Variants in NECTIN3 observed in about 807,000 individuals in gnomAD.
NECTIN3 encodes the protein nectin-3.
A neutral mutation model predicts 49.4 loss-of-function variants in NECTIN3; 8 were observed. The ratio of observed to expected loss-of-function variants is 0.16; its 90% CI spans 0.10 to 0.29. NECTIN3 has a LOEUF of 0.29. Among genes scored for constraint, NECTIN3 ranks in the 10% least tolerant of loss-of-function variants. The pLI is 1.00. For synonymous variants in NECTIN3, 277 were observed against 241.1 expected (o/e 1.15, Z -1.38); for missense variants, 581 against 654.6 (o/e 0.89, Z 1.23).
At chr3:111,170,638 G>A (rs1169257277) in intron 7 of NECTIN3, among the ~76,000 whole-genome samples, 1 of 152,148 alleles carries the variant, frequency 6.6e-6, no homozygotes, top group African/African-American at 2.4e-5. Context: ...TTACTAAGAG[G>A]AAGCATCAGA....
intron 2 of NECTIN3, among the ~76,000 whole-genome samples, chr3:111,118,283 T>TA (rs71131953): frequency 0.016 from 1,914 of 122,306 alleles, 31 homozygotes; most frequent in Non-Finnish European, 0.02. Flanking sequence ...TATATATATA[T>TA]TATACATATA....
chr3:111,193,102 C>A, intron 1 of NECTIN3: 2 of 1,056,104 alleles, frequency 1.9e-6, no homozygotes, highest in Non-Finnish European at 1.4e-6. Flanking sequence ...GAATCAGGGA[C>A]ACTAAACTGT....
At chr3:111,076,859 C>T (rs1444943688) in intron 1 of NECTIN3, among the ~76,000 whole-genome samples, 5 of 151,672 alleles carry the variant, frequency 3.3e-5, no homozygotes, top group Admixed American at 2.6e-4. Flanking sequence ...CCTGTAATCC[C>T]AGCTGCTTGG....
intron 1 of NECTIN3, among the ~76,000 whole-genome samples, chr3:111,111,436 A>G (rs1181761794): frequency 6.6e-6 from 1 of 152,198 alleles, no homozygotes; most frequent in Non-Finnish European, 1.5e-5. Flanking sequence ...CAGTAGAGAT[A>G]CTTGACATAG....
intron 1 of NECTIN3, chr3:111,193,320 C>T (rs953231268): frequency 1.1e-5 from 17 of 1,534,006 alleles, no homozygotes; most frequent in African/African-American, 8.2e-5. Flanking sequence ...CCCTGGCAAA[C>T]ATCATCAAAA....
chr3:111,108,132 TTAAAA>T (rs1314251688), intron 1 of NECTIN3, among the ~76,000 whole-genome samples: 3 of 151,626 alleles, frequency 2.0e-5, no homozygotes, highest in Admixed American at 2.0e-4. Context: ...TTCCTAGAAA[TTAAAA>T]TAAAAGATGA....
At chr3:111,096,144 T>C (rs781413258) in intron 1 of NECTIN3, among the ~76,000 whole-genome samples, 7 of 152,188 alleles carry the variant, frequency 4.6e-5, no homozygotes. Flanking sequence ...AAATCCAGGC[T>C]GAGGTGGTCT....
Position 111,098,928 on chromosome 3 carries a change from TA to T in NECTIN3, c.161-13086del, listed in dbSNP as rs371816550. Reference sequence around the variant, plus strand: ...GTAGGTTGTTAAATAAACGTTAGTTTAAAAAAAAAAAAAAAAGATGAGCAAA... The same window carrying T: ...GTAGGTTGTTAAATAAACGTTAGTTTAAAAAAAAAAAAAAAGATGAGCAAA... On this transcript the variant is annotated intron_variant, in intron 1 of 5. Coordinates refer to ENST00000485303, the MANE Select transcript of NECTIN3 (RefSeq NM_015480.3). 9.5e-3 allele frequency among the ~76,000 whole-genome samples: 1,334 copies of T among 139,698 alleles called. 1 individual carries two copies. The highest frequency in any genetic ancestry group is 0.012 in the Admixed American group (169 of 13,934). 91.6% of individuals were successfully genotyped at this position (139,698 alleles called of 152,430 possible). A position where few individuals can be genotyped will look rare whatever the true frequency, so the allele number is the denominator to read the frequency against.
At position 111,112,277 on chromosome 3, in the gene NECTIN3, T is replaced by C; in HGVS notation, c.408T>C (p.His136=). The change falls in exon 2 of 6, where the codon CAT becomes CAC. Residue 136 remains histidine, a synonymous_variant. Transcript: ENST00000485303. ...YSLNDATITL[H]NIGFSDSGKY... is the part of the protein sequence containing the mutation. ...TTAATGATGCAACAATTACTCTGCATAACATAGGATTCTCTGATTCTGGAA... is the reference window on the plus strand; with the variant it reads ...TTAATGATGCAACAATTACTCTGCACAACATAGGATTCTCTGATTCTGGAA... 2 of 1,613,794 alleles carry C rather than the reference T, an allele frequency of 1.2e-6. No homozygotes were observed. Among genetic ancestry groups the C allele is most frequent in the Non-Finnish European group, 1.7e-6 (2 of 1,179,796 alleles).
downstream of NECTIN3, among the ~76,000 whole-genome samples, chr3:111,140,882 T>C (rs1391526956): frequency 6.6e-6 from 1 of 152,016 alleles, no homozygotes; most frequent in Non-Finnish European, 1.5e-5. Flanking sequence ...ATGTATTATA[T>C]ACTAGTAAAC....
chr3:111,138,728 GTGACCTTTTAGAGCAA>G (rs1427036833), downstream of NECTIN3, among the ~76,000 whole-genome samples: 4 of 151,600 alleles, frequency 2.6e-5, no homozygotes, highest in African/African-American at 9.7e-5. Context: ...CTGATTGAAA[GTGACCTTTTAGAGCAA>G]TGACCTTTTA....
chr3:111,191,856 C>G (rs190406930), upstream of NECTIN3, among the ~76,000 whole-genome samples: 26 of 152,120 alleles, frequency 1.7e-4, no homozygotes, highest in Non-Finnish European at 3.7e-4. Flanking sequence ...GAAACCGAAT[C>G]TTGGTTGCTC....
chr3:111,177,256 A>G (rs1274789530), intron 7 of NECTIN3, among the ~76,000 whole-genome samples: 1 of 152,126 alleles, frequency 6.6e-6, no homozygotes, highest in Non-Finnish European at 1.5e-5. Flanking sequence ...CTTTTTATTC[A>G]TTTATTATTT....
intron 3 of NECTIN3, among the ~76,000 whole-genome samples, chr3:111,120,895 T>C (rs1458891560): frequency 6.6e-6 from 1 of 152,094 alleles, no homozygotes; most frequent in African/African-American, 2.4e-5. Context: ...GGAGTTTTAG[T>C]TAAGTATTTT....
At chr3:111,143,216 T>A (rs1002336184) in intron 5 of NECTIN3, among the ~76,000 whole-genome samples, 6 of 151,912 alleles carry the variant, frequency 3.9e-5, no homozygotes, top group Non-Finnish European at 8.8e-5. Flanking sequence ...ATATTTTTTT[T>A]AATCTAGTAC....
chr3:111,111,994 A>G (rs760432096), intron 1 of NECTIN3, 36 bp from the exon 2 acceptor site: 50 of 1,478,670 alleles, frequency 3.4e-5, no homozygotes, highest in Admixed American at 6.1e-5. Flanking sequence ...ACTTTTTTCT[A>G]TTTTAAAAAT....
chr3:111,101,813 T>C (rs2032921166), intron 1 of NECTIN3, among the ~76,000 whole-genome samples: 1 of 152,180 alleles, frequency 6.6e-6, no homozygotes, highest in African/African-American at 2.4e-5. Flanking sequence ...ATTACAAGAC[T>C]TTAGTTCTAG....
chr3:111,086,265 G>T (rs1046660370), intron 1 of NECTIN3, among the ~76,000 whole-genome samples: 2 of 152,032 alleles, frequency 1.3e-5, no homozygotes, highest in Non-Finnish European at 2.9e-5. Context: ...GGTTTCTGTT[G>T]ATAAAAAGCA....
intron 2 of NECTIN3, among the ~76,000 whole-genome samples, chr3:111,113,061 C>T (rs2033541127): frequency 6.6e-6 from 1 of 152,208 alleles, no homozygotes; most frequent in South Asian, 2.1e-4. Flanking sequence ...GATTCTTACT[C>T]AAACAGCTAC....
Sources: gnomAD v4.1 joint callset for allele counts (sites outside exome capture counted in the v4.1 genomes callset) on GRCh38, gnomAD v4.1.1 for gene constraint, MANE v1.5 for transcripts, NCBI Gene and HGNC (gene_info 2026-07-23, HGNC 2026-07-21) for gene names.